SI: variants seen among roughly 807,000 people sequenced by gnomAD.
SI encodes the protein sucrase-isomaltase, also known as sucrase-isomaltase, intestinal.
SI carries 235 observed loss-of-function variants against 253.3 expected under a neutral mutation model. The observed-to-expected ratio is 0.93, with a 90% CI of 0.83 to 1.03. The LOEUF (loss-of-function observed/expected upper bound fraction) is 1.03, where lower values mean the gene tolerates loss of function less well. SI is among the 50% of genes least tolerant of loss of function. The pLI, the probability that SI is intolerant of heterozygous loss-of-function variation, is 0.00. For synonymous variants in SI, 819 were observed against 712.0 expected (o/e 1.15, Z -2.39); for missense variants, 2,442 against 2,211.1 (o/e 1.10, Z -2.09).
At chr3:165,087,443 G>A in the SI span, among the ~76,000 whole-genome samples, 1 of 152,126 alleles carries the variant, frequency 6.6e-6, no homozygotes, top group Non-Finnish European at 1.5e-5. Context: ...ATGACCTAAA[G>A]CCAAGGGTCA....
intron 38 of SI, 25 bp downstream of exon 38, chr3:164,998,515 A>G (rs1167403808): frequency 6.2e-7 from 1 of 1,609,868 alleles, no homozygotes; most frequent in Non-Finnish European, 8.5e-7. Context: ...ACAAAATAAT[A>G]ATAAAGATGG....
intron 16 of SI, among the ~76,000 whole-genome samples, chr3:165,045,667 T>C (rs1713063675): frequency 6.6e-6 from 1 of 151,940 alleles, no homozygotes; most frequent in African/African-American, 2.4e-5. Flanking sequence ...CACTCACTGT[T>C]CAGCGTTTCT....
In SI at chr3:165,023,652, G is replaced by T. The variant is rs758069138; in HGVS notation, c.3017C>A (p.Ala1006Asp). ...GGGGTCAGAAGGTAACTTTATTCTG[G>T]CATTTGCAGTATTTAGTTGGAGGTC... Reference protein sequence around the residue: ...TADLQLNTANARIKLPSDPIS... With the variant: ...TADLQLNTANDRIKLPSDPIS... The change falls in exon 26 of 48, where the codon GCC becomes GAC. Residue 1006 changes from alanine to aspartate, a missense_variant. Ala to Asp is a moderately radical substitution (Grantham distance 126). Transcript: ENST00000264382. The T allele has an allele frequency of 1.2e-6, 2 of 1,610,782 alleles. No homozygotes were observed. Among genetic ancestry groups the T allele is most frequent in the Admixed American group, 1.7e-5 (1 of 59,662 alleles).
intron 6 of SI, 62 bp from the exon 7 acceptor site, chr3:165,065,494 T>TATATATA (rs10530690): frequency 2.5e-4 from 67 of 268,664 alleles, no homozygotes; most frequent in East Asian, 9.4e-4. Flanking sequence ...TATATATATA[T>TATATATA]GATATTCTAC....
intron 6 of SI, 119 bp downstream of exon 6, chr3:165,067,221 C>G: frequency 1.4e-6 from 1 of 716,528 alleles, no homozygotes; most frequent in Admixed American, 2.8e-5. Context: ...TTTTATAAAC[C>G]TATCCACCTA....
In SI at chr3:165,062,377, A is replaced by T. The variant is rs771644846; in HGVS notation, c.1014T>A (p.Tyr338Ter). 6.6e-7 allele frequency: 1 copy of T among 1,511,784 alleles called. No individual in the cohort carries two copies. The highest frequency in any genetic ancestry group is 1.7e-5 in the Admixed American group (1 of 59,684). 93.6% of individuals were successfully genotyped at this position (1,511,784 alleles called of 1,614,324 possible). A position where few individuals can be genotyped will look rare whatever the true frequency, so the allele number is the denominator to read the frequency against. Residue 338 changes from tyrosine (Y) to a stop codon, truncating the protein, a stop_gained, in exon 9 of 48, where the codon TAT becomes TAA. Coordinates refer to ENST00000264382, the MANE Select transcript of SI (RefSeq NM_001041.4). LOFTEE classifies it high-confidence loss of function. ...GDTPEQVVQQ[Y>*]QQLVGLPAMP... ...AAATAGACCTGAAACACACCTGTTG[A>T]TACTGTTGAACTACTTGTTCTGGTG...
intron 20 of SI, 115 bp downstream of exon 20, chr3:165,038,963 G>T (rs1028158150): frequency 3.1e-6 from 2 of 647,914 alleles, no homozygotes; most frequent in Admixed American, 5.9e-5. Flanking sequence ...AGTAATGACA[G>T]AAATTCTAAA....
upstream of SI, among the ~76,000 whole-genome samples, chr3:165,082,344 A>G (rs1253902607): frequency 6.6e-6 from 1 of 151,924 alleles, no homozygotes; most frequent in Non-Finnish European, 1.5e-5. Flanking sequence ...CATTATTGTA[A>G]TTGTTTCCTA....
the SI span, among the ~76,000 whole-genome samples, chr3:165,087,627 A>C: frequency 6.6e-6 from 1 of 152,176 alleles, no homozygotes; most frequent in African/African-American, 2.4e-5. Flanking sequence ...GACATTCCAC[A>C]ACAAAGGCCT....
intron 22 of SI, among the ~76,000 whole-genome samples, chr3:165,035,925 A>G (rs1366624740): frequency 2.0e-5 from 3 of 151,734 alleles, no homozygotes; most frequent in Non-Finnish European, 2.9e-5. Flanking sequence ...ATTAAAGATA[A>G]TAAGGAAAAT....
At chr3:165,088,064 G>A in the SI span, among the ~76,000 whole-genome samples, 1 of 152,098 alleles carries the variant, frequency 6.6e-6, no homozygotes, top group Non-Finnish European at 1.5e-5. Context: ...AAAAATAAAG[G>A]TCCAGGAACA....
At chr3:165,020,889 T>G (rs912767789) in intron 27 of SI, among the ~76,000 whole-genome samples, 1 of 151,808 alleles carries the variant, frequency 6.6e-6, no homozygotes, top group East Asian at 1.9e-4. Flanking sequence ...AATAAAATAT[T>G]TACTTCACTT....
chr3:165,020,339 G>A lies in SI; in HGVS notation c.3255-569C>T, dbSNP rs566286900. Among the ~76,000 whole-genome samples, 105 of 151,742 alleles carry A rather than the reference G, an allele frequency of 6.9e-4. 1 individual carries two copies. The highest frequency in any genetic ancestry group is 2.5e-3 in the African/African-American group (103 of 41,472). ...AAACATATTATTATTCAACTCATTTGCAAGAAGAACATAAAGAGGAAGGAA... is the reference window on the plus strand; with the variant it reads ...AAACATATTATTATTCAACTCATTTACAAGAAGAACATAAAGAGGAAGGAA... On this transcript the variant is annotated intron_variant, in intron 27 of 47. Coordinates refer to ENST00000264382, the MANE Select transcript of SI (RefSeq NM_001041.4).
intron 13 of SI, among the ~76,000 whole-genome samples, chr3:165,051,681 A>G (rs994700976): frequency 2.0e-5 from 3 of 152,044 alleles, no homozygotes; most frequent in South Asian, 2.1e-4. Context: ...ATCCGAATAT[A>G]TAATATAGTT....
intron 17 of SI, 143 bp from the exon 18 acceptor site, chr3:165,041,237 T>C: frequency 4.3e-6 from 3 of 691,526 alleles, no homozygotes; most frequent in Non-Finnish European, 7.4e-6. Context: ...TATTTCATCA[T>C]CAAAGTGTCT....
intron 16 of SI, among the ~76,000 whole-genome samples, chr3:165,045,876 G>A (rs1284162363): frequency 2.2e-5 from 3 of 136,622 alleles, no homozygotes; most frequent in Admixed American, 1.6e-4. Context: ...TTTGAGATAG[G>A]GTCTCAAAAA....
At chr3:165,037,194 C>G (rs904444035) in intron 21 of SI, among the ~76,000 whole-genome samples, 1 of 151,664 alleles carries the variant, frequency 6.6e-6, no homozygotes, top group Non-Finnish European at 1.5e-5. Flanking sequence ...CGCTAACATA[C>G]TACATACAAG....
At chr3:164,992,954 T>C (rs558095984) in intron 41 of SI, among the ~76,000 whole-genome samples, 1 of 151,938 alleles carries the variant, frequency 6.6e-6, no homozygotes, top group African/African-American at 2.4e-5. Flanking sequence ...GTTTTGTTTT[T>C]TAATGGCTTA....
At chr3:165,009,901 C>T (rs114221369) in intron 34 of SI, among the ~76,000 whole-genome samples, 6 of 152,216 alleles carry the variant, frequency 3.9e-5, no homozygotes, top group African/African-American at 1.4e-4. Context: ...CCAATCTCTA[C>T]TAAGAATATT....
Sources: gnomAD v4.1 joint callset for allele counts (sites outside exome capture counted in the v4.1 genomes callset) on GRCh38, gnomAD v4.1.1 for gene constraint, MANE v1.5 for transcripts, NCBI Gene and HGNC (gene_info 2026-07-23, HGNC 2026-07-21) for gene names.